FIGNL2: variants seen among roughly 807,000 people sequenced by gnomAD.
The protein encoded by FIGNL2 is fidgetin-like protein 2.
For missense variants in FIGNL2, 1,060 were observed against 950.2 expected (o/e 1.12, Z -1.52); for synonymous variants, 565 against 484.0 (o/e 1.17, Z -2.20).
chr12:51,840,684 G>A (rs1361267914), intron 1 of FIGNL2, among the ~76,000 whole-genome samples: 1 of 151,470 alleles, frequency 6.6e-6, no homozygotes, highest in Non-Finnish European at 1.5e-5. Context: ...GTGGTGAGCC[G>A]AGATCACACC....
rs769022318 is a variant in FIGNL2, at chr12:51,822,347, A to T, written c.67T>A (p.Ser23Thr). 5.0e-6 allele frequency: 8 copies of T among 1,612,974 alleles called. No individual in the cohort carries two copies. The South Asian group carries it at 5.5e-5, about 11-fold the overall frequency. Residue 23 changes from serine to threonine, a missense_variant, in exon 2 of 2, where the codon TCC becomes ACC. Ser to Thr is a moderately conservative substitution (Grantham distance 58). Coordinates refer to ENST00000618634, the MANE Select transcript of FIGNL2 (RefSeq NM_001384995.1). Reference protein sequence around the residue: ...QWPEQHLDVSSTTPSPAHKLE... With the variant: ...QWPEQHLDVSTTTPSPAHKLE... ...TTGTGGGCCGGCGACGGGGTGGTGG[A>T]GGAGACGTCCAGGTGCTGCTCTGGC...
At chr12:51,848,145 G>C (rs1939792028) in intron 1 of FIGNL2, 3 of 984,954 alleles carry the variant, frequency 3.0e-6, no homozygotes, top group Non-Finnish European at 2.4e-6. Flanking sequence ...CCTGCGGGCC[G>C]GCCCTCGGGC....
At position 51,821,837 on chromosome 12, in the gene FIGNL2, G is replaced by C. The variant is rs892935412; in HGVS notation, c.577C>G (p.Pro193Ala). 4.7e-6 allele frequency: 6 copies of C among 1,279,306 alleles called. No homozygotes were observed. Among genetic ancestry groups the C allele is most frequent in the Non-Finnish European group, 5.9e-6 (6 of 1,016,388 alleles). The allele number at this position is 1,279,306 out of a possible 1,614,324, so 79.2% of individuals were successfully genotyped here. A position where few individuals can be genotyped will look rare whatever the true frequency, so the allele number is the denominator to read the frequency against. ...PPAALLQPPP[P>A]PGYGPSAPLY... is the part of the protein sequence containing the mutation. The stretch of plus-strand genomic sequence containing the variant: ...GGCGCTGAGGGCCCGTACCCCGGAG[G>C]CGGTGGGGGCTGCAGGAGCGCGGCC... The change falls in exon 2 of 2, where the codon CCT becomes GCT. Residue 193 changes from proline (P) to alanine (A), a missense_variant. Coordinates refer to ENST00000618634, the MANE Select transcript of FIGNL2 (RefSeq NM_001384995.1).
In FIGNL2 at chr12:51,821,896, G is replaced by A; in HGVS notation, c.518C>T (p.Ala173Val). ...CGGGGGCAGCGCGGCGCCCGTCTGC[G>A]CGCAGTAACCCGGCGCCAGGTACCC... ...GGGYLAPGYC[A>V]QTGAALPPPP... The change falls in exon 2 of 2, where the codon GCG becomes GTG. Residue 173 changes from alanine (A) to valine (V), a missense_variant. Transcript: ENST00000618634. The A allele has an allele frequency of 7.0e-7, 1 of 1,424,624 alleles. No homozygotes were observed. The highest frequency in any genetic ancestry group is 9.1e-7 in the Non-Finnish European group (1 of 1,094,908). 88.2% of individuals were successfully genotyped at this position (1,424,624 alleles called of 1,614,324 possible).
Position 51,835,727 on chromosome 12 carries a change from C to T in FIGNL2, c.-12+12813G>A, listed in dbSNP as rs151175853. 9.7e-4 allele frequency among the ~76,000 whole-genome samples: 147 copies of T among 152,136 alleles called. 1 individual carries two copies. The Middle Eastern group carries it at 0.014, about 14-fold the overall frequency. On this transcript the variant is annotated intron_variant, in intron 1 of 1. Transcript: ENST00000618634. ...CATCACCATAGAAAGTTCTATCGGA[C>T]GGAGCTGCTCTATCTTGAACTTCTA...
intron 1 of FIGNL2, among the ~76,000 whole-genome samples, chr12:51,835,805 C>CT (rs34284176): frequency 0.024 from 3,318 of 139,990 alleles, 134 homozygotes; most frequent in African/African-American, 0.078. Flanking sequence ...ATCTAGACTT[C>CT]TTTTTTTTTT....
intron 1 of FIGNL2, chr12:51,847,778 A>G: frequency 1.0e-6 from 1 of 985,322 alleles, no homozygotes; most frequent in Non-Finnish European, 1.2e-6. Context: ...GGGGGTTGCT[A>G]GCATGCGAAT....
chr12:51,834,003 G>A (rs11169921), intron 1 of FIGNL2, among the ~76,000 whole-genome samples: 1 of 27,562 alleles, frequency 3.6e-5, no homozygotes, highest in Admixed American at 7.3e-4. Flanking sequence ...ATGGATGAAT[G>A]GACAGACAAA....
Position 51,830,636 on chromosome 12 carries a change from C to T in FIGNL2, c.-11-8212G>A, listed in dbSNP as rs552826201. 2.0e-3 allele frequency among the ~76,000 whole-genome samples: 306 copies of T among 151,378 alleles called. 1 individual carries two copies. Among genetic ancestry groups the T allele is most frequent in the Middle Eastern group, 0.01 (3 of 292 alleles). Reference sequence around the variant, plus strand: ...CCTCCTGAGTAGCTGGGATTACAGGCGCCCACCACTACACCCAGCTAATTT... The same window carrying T: ...CCTCCTGAGTAGCTGGGATTACAGGTGCCCACCACTACACCCAGCTAATTT... On this transcript the variant is annotated intron_variant, in intron 1 of 1. Coordinates refer to ENST00000618634, the MANE Select transcript of FIGNL2 (RefSeq NM_001384995.1).
chr12:51,821,973 A>G lies in FIGNL2; in HGVS notation c.441T>C (p.Asn147=). 6.4e-7 allele frequency: 1 copy of G among 1,560,236 alleles called. No individual in the cohort carries two copies. ...GCGCCGCCGATGGGCCCCCGCACGC[A>G]TTGCCGGCGTAGAGGGGTTCAGGGA... ...GNLPEPLYAG[N]ACGGPSAAPE... The change falls in exon 2 of 2, where the codon AAT becomes AAC. Residue 147 remains asparagine, a synonymous_variant. Transcript: ENST00000618634.
At chr12:51,842,337 G>A (rs1156754678) in intron 1 of FIGNL2, among the ~76,000 whole-genome samples, 1 of 152,204 alleles carries the variant, frequency 6.6e-6, no homozygotes, top group African/African-American at 2.4e-5. Flanking sequence ...CTGATGAAAT[G>A]CTGTCCCTCC....
At chr12:51,830,708 G>A (rs559620194) in intron 1 of FIGNL2, among the ~76,000 whole-genome samples, 2 of 151,936 alleles carry the variant, frequency 1.3e-5, no homozygotes, top group Non-Finnish European at 2.9e-5. Context: ...GGCCAGGCTG[G>A]TCTCAAACTC....
At chr12:51,846,258 G>A (rs752941438) in intron 1 of FIGNL2, among the ~76,000 whole-genome samples, 5 of 152,244 alleles carry the variant, frequency 3.3e-5, no homozygotes, top group East Asian at 1.9e-4. Context: ...TGCAGGCCAC[G>A]GAGGGAGGAG....
chr12:51,847,672 G>A, intron 1 of FIGNL2: 1 of 985,416 alleles, frequency 1.0e-6, no homozygotes, highest in African/African-American at 1.7e-5. Context: ...CCTCTGGCGG[G>A]GGCAGGGGGA....
chr12:51,820,383 GA>G lies in FIGNL2; in HGVS notation c.*68del, dbSNP rs1939144362. On this transcript the variant is annotated 3_prime_UTR_variant, in exon 2 of 2. Coordinates refer to ENST00000618634, the MANE Select transcript of FIGNL2 (RefSeq NM_001384995.1). Reference sequence around the variant, plus strand: ...CCCCTGCCAGCCGGGTTTAGTCAGTGACATCCCTCCCACGCGGAGGCGGCGG... The same window carrying G: ...CCCCTGCCAGCCGGGTTTAGTCAGTGCATCCCTCCCACGCGGAGGCGGCGG... 7 of 1,533,556 alleles carry G rather than the reference GA, an allele frequency of 4.6e-6. No homozygotes were observed. The Admixed American group carries it at 7.9e-5, about 17-fold the overall frequency. 95.0% of individuals were successfully genotyped at this position (1,533,556 alleles called of 1,614,324 possible).
At chr12:51,848,055 C>T (rs1939789867) in intron 1 of FIGNL2, 16 of 872,674 alleles carry the variant, frequency 1.8e-5, no homozygotes, top group Non-Finnish European at 2.2e-5. Flanking sequence ...GGGGAATCTC[C>T]GGGCCAGTAA....
rs1760543057 is a variant in FIGNL2 at position 51,821,947 on chromosome 12, G to A, written c.467C>T (p.Pro156Leu). The change falls in exon 2 of 2, where the codon CCC (proline) becomes CTC (leucine). Residue 156 changes from proline (P) to leucine (L), a missense_variant. Coordinates refer to ENST00000618634, the MANE Select transcript of FIGNL2 (RefSeq NM_001384995.1). ...CCCGCCGTAGCCGGCCGCGTACTCGGGCGCCGCCGATGGGCCCCCGCACGC... is the reference window on the plus strand; with the variant it reads ...CCCGCCGTAGCCGGCCGCGTACTCGAGCGCCGCCGATGGGCCCCCGCACGC... ...GNACGGPSAA[P>L]EYAAGYGGGY... The A allele has an allele frequency of 6.6e-7, 1 of 1,525,690 alleles. No homozygotes were observed. The highest frequency in any genetic ancestry group is 2.1e-5 in the Admixed American group (1 of 46,564). 94.5% of individuals were successfully genotyped at this position (1,525,690 alleles called of 1,614,324 possible).
intron 1 of FIGNL2, among the ~76,000 whole-genome samples, chr12:51,846,129 G>A (rs572076603): frequency 6.6e-6 from 1 of 152,328 alleles, no homozygotes; most frequent in Non-Finnish European, 1.5e-5. Context: ...TATTTATGGA[G>A]CACCCACAAG....
intron 1 of FIGNL2, among the ~76,000 whole-genome samples, chr12:51,841,111 G>A (rs112813399): frequency 1.6e-4 from 24 of 152,308 alleles, no homozygotes; most frequent in South Asian, 1.0e-3. Flanking sequence ...GCCCTGGGGG[G>A]GCTGAGCCGA....
Sources: gnomAD v4.1 joint callset for allele counts (sites outside exome capture counted in the v4.1 genomes callset) on GRCh38, gnomAD v4.1.1 for gene constraint, MANE v1.5 for transcripts, NCBI Gene and HGNC (gene_info 2026-07-23, HGNC 2026-07-21) for gene names.